The following ASIC2 variants were observed in gnomAD, a reference collection of about 807,000 sequenced individuals.
ASIC2 encodes the protein acid sensing ion channel subunit 2.
Under a neutral mutation model 57.3 loss-of-function variants are expected in ASIC2, and 25 were observed. The observed-to-expected ratio is 0.44, with a 90% CI of 0.32 to 0.61. The LOEUF (loss-of-function observed/expected upper bound fraction) is 0.61, where lower values mean the gene tolerates loss of function less well. Ranked by LOEUF, ASIC2 falls within the 20% of genes least tolerant of loss-of-function variation. The pLI is 0.06. For synonymous variants in ASIC2, 319 were observed against 307.5 expected, an observed-to-expected ratio of 1.04 and a Z score of -0.39; for missense variants, 641 against 738.1, an observed-to-expected ratio of 0.87 and a Z score of 1.52.
intron 1 of ASIC2, among the ~76,000 whole-genome samples, chr17:33,322,631 T>C (rs1906915006): frequency 6.6e-6 from 1 of 152,210 alleles, no homozygotes; most frequent in African/African-American, 2.4e-5. Flanking sequence ...AATTAAGTAC[T>C]GAAGACAGAG....
chr17:33,661,696 G>A (rs1286396475), intron 1 of ASIC2, among the ~76,000 whole-genome samples: 2 of 152,200 alleles, frequency 1.3e-5, no homozygotes, highest in African/African-American at 4.8e-5. Context: ...TGAAGGCTGG[G>A]AATGAAAACT....
At chr17:34,133,580 G>A (rs1012766797) in intron 1 of ASIC2, among the ~76,000 whole-genome samples, 21 of 152,240 alleles carry the variant, frequency 1.4e-4, no homozygotes, top group Middle Eastern at 3.2e-3. Context: ...AATGAGCCTG[G>A]TACTCACCTG....
intron 1 of ASIC2, among the ~76,000 whole-genome samples, chr17:33,116,821 G>A (rs979864345): frequency 2.0e-5 from 3 of 151,958 alleles, no homozygotes; most frequent in Non-Finnish European, 4.4e-5. Flanking sequence ...ACTTTGTGCT[G>A]ACCCCAGATT....
intron 1 of ASIC2, among the ~76,000 whole-genome samples, chr17:34,112,457 C>CAAA (rs35815808): frequency 1.3e-5 from 1 of 79,992 alleles, no homozygotes; most frequent in African/African-American, 4.4e-5. Context: ...CAAGACAGGC[C>CAAA]AAAAAAAAAA....
chr17:33,579,003 T>C (rs993852149), intron 1 of ASIC2, among the ~76,000 whole-genome samples: 4 of 152,160 alleles, frequency 2.6e-5, no homozygotes, highest in East Asian at 1.9e-4. Flanking sequence ...TGCAGGTTAA[T>C]GGTCAGGTGC....
intron 1 of ASIC2, among the ~76,000 whole-genome samples, chr17:33,299,384 AG>A (rs142389619): frequency 1.3e-5 from 2 of 152,324 alleles, no homozygotes; most frequent in East Asian, 3.9e-4. Context: ...TACTGGTGGA[AG>A]GAGAGAGAGG....
intron 1 of ASIC2, among the ~76,000 whole-genome samples, chr17:33,676,726 T>C (rs1380282657): frequency 2.0e-5 from 3 of 152,250 alleles, no homozygotes; most frequent in African/African-American, 7.2e-5. Context: ...CAAGTGCTGA[T>C]GTAGAAGCTG....
rs146760586 is a variant in ASIC2 at position 33,089,539 on chromosome 17, G to T, written c.860-549C>A. 3.1e-3 allele frequency among the ~76,000 whole-genome samples: 473 copies of T among 152,352 alleles called. 2 individuals carry two copies. Among genetic ancestry groups the T allele is most frequent in the African/African-American group, 0.011 (447 of 41,580 alleles). ...TGTGTTGTTTTCAGCCACTAAATTTGTGGTAATCTCTTGCAGCAGCAATGG... is the reference window on the plus strand; with the variant it reads ...TGTGTTGTTTTCAGCCACTAAATTTTTGGTAATCTCTTGCAGCAGCAATGG... On this transcript the variant is annotated intron_variant, in intron 2 of 9. Coordinates refer to ENST00000225823, the MANE Select transcript of ASIC2 (RefSeq NM_183377.2).
At chr17:33,464,687 CTATATATATA>C (rs3057641) in intron 1 of ASIC2, among the ~76,000 whole-genome samples, 27 of 132,642 alleles carry the variant, frequency 2.0e-4, no homozygotes, top group African/African-American at 7.9e-4. Context: ...CTCTCTCTCT[CTATATATATA>C]TATATATGTA....
chr17:33,137,392 A>G (rs1462350105), intron 1 of ASIC2, among the ~76,000 whole-genome samples: 2 of 152,360 alleles, frequency 1.3e-5, no homozygotes, highest in Middle Eastern at 3.4e-3. Context: ...TCCAGGGGCT[A>G]GAATTTAAGG....
At chr17:33,963,442 A>G (rs1285635382) in intron 1 of ASIC2, among the ~76,000 whole-genome samples, 1 of 152,212 alleles carries the variant, frequency 6.6e-6, no homozygotes. Flanking sequence ...GAAAAATGTC[A>G]GCACAAAAAG....
intron 1 of ASIC2, among the ~76,000 whole-genome samples, chr17:33,584,415 G>A (rs1008752615): frequency 1.3e-5 from 2 of 152,176 alleles, no homozygotes; most frequent in African/African-American, 4.8e-5. Context: ...CCAGGACTGA[G>A]TTGATTTTTA....
Position 33,415,453 on chromosome 17 carries a change from C to G in ASIC2, c.556-303386G>C, listed in dbSNP as rs571955721. ...TTTTATTATTTTTGAATATTTTAAT[C>G]TGAGGTTAGTTAATTATGTAGAACC... is the stretch of plus-strand genomic sequence containing the variant. On this transcript the variant is annotated intron_variant, in intron 1 of 9. Transcript: ENST00000359872. 3.9e-5 allele frequency among the ~76,000 whole-genome samples: 6 copies of G among 151,964 alleles called. No homozygotes were observed. The South Asian group carries it at 1.2e-3, about 32-fold the overall frequency.
At chr17:33,279,304 A>C (rs1002499594) in intron 1 of ASIC2, among the ~76,000 whole-genome samples, 1 of 152,178 alleles carries the variant, frequency 6.6e-6, no homozygotes. Flanking sequence ...CTAAGCACCC[A>C]GTTGTCTAGA....
At chr17:33,739,065 T>C (rs1487542821) in intron 1 of ASIC2, among the ~76,000 whole-genome samples, 1 of 152,220 alleles carries the variant, frequency 6.6e-6, no homozygotes, top group Non-Finnish European at 1.5e-5. Flanking sequence ...GTTGACAAAA[T>C]GGCAGTGCTG....
intron 1 of ASIC2, among the ~76,000 whole-genome samples, chr17:33,658,598 A>G (rs544632118): frequency 6.6e-6 from 1 of 152,298 alleles, no homozygotes; most frequent in Non-Finnish European, 1.5e-5. Context: ...TTGCTCGTAG[A>G]TGGTGACTTC....
chr17:33,175,418 A>G (rs1437882761), intron 1 of ASIC2, among the ~76,000 whole-genome samples: 2 of 151,624 alleles, frequency 1.3e-5, no homozygotes, highest in Non-Finnish European at 2.9e-5. Context: ...AGTTTACATC[A>G]CTTTATTTTT....
chr17:33,067,259 A>G (rs1484997689), intron 3 of ASIC2, among the ~76,000 whole-genome samples: 1 of 152,236 alleles, frequency 6.6e-6, no homozygotes, highest in African/African-American at 2.4e-5. Context: ...CTGTGGATTA[A>G]TAACTCGTGT....
chr17:33,224,219 T>C (rs1425097212), intron 1 of ASIC2, among the ~76,000 whole-genome samples: 1 of 152,252 alleles, frequency 6.6e-6, no homozygotes. Flanking sequence ...CTCTGTCTTG[T>C]GTTAATTATT....
Sources: allele counts gnomAD v4.1 joint callset (sites outside exome capture counted in the v4.1 genomes callset), GRCh38; gene constraint gnomAD v4.1.1; transcripts MANE v1.5; gene names NCBI Gene and HGNC (gene_info 2026-07-23, HGNC 2026-07-21).